Variants in NDST1 observed in about 807,000 individuals in gnomAD.
NDST1 encodes N-deacetylase and N-sulfotransferase 1, also known as bifunctional heparan sulfate N-deacetylase/N-sulfotransferase 1.
A neutral mutation model predicts 92.8 loss-of-function variants in NDST1; 35 were observed. That is an observed-to-expected ratio of 0.38 (90% CI 0.29 to 0.50). The LOEUF is 0.50. Among genes scored for constraint, NDST1 ranks in the 20% least tolerant of loss-of-function variants. The pLI is 0.94. For synonymous variants in NDST1, 493 were observed against 500.3 expected (o/e 0.99, Z 0.19); for missense variants, 822 against 1,182.7 (o/e 0.69, Z 4.47).
intron 1 of NDST1, among the ~76,000 whole-genome samples, chr5:150,499,473 G>A (rs189811465): frequency 1.3e-3 from 205 of 152,312 alleles, no homozygotes; most frequent in African/African-American, 4.7e-3. Flanking sequence ...GCTCTTCTAA[G>A]GCAGCGGGTG....
chr5:150,498,188 G>A (rs1487099890), exon 1 of NDST1: 1 of 152,496 alleles, frequency 6.6e-6, no homozygotes, highest in African/African-American at 2.4e-5. Flanking sequence ...TCTTGGAGAC[G>A]GGCTGTTGGC....
chr5:150,539,110 G>A lies in NDST1; in HGVS notation c.1438-118G>A, dbSNP rs561646177. On this transcript the variant is annotated intron_variant, in intron 6 of 14. Coordinates refer to ENST00000261797, the MANE Select transcript of NDST1 (RefSeq NM_001543.5). ...CTGCACCCAAGGGTAGGGGCTGTGCGACCACATGGAGACTGCCTTTCTGAG... is the reference window on the plus strand; with the variant it reads ...CTGCACCCAAGGGTAGGGGCTGTGCAACCACATGGAGACTGCCTTTCTGAG... The A allele has an allele frequency of 8.8e-5, 73 of 830,418 alleles. No homozygotes were observed. The Admixed American group carries it at 9.5e-4, about 11-fold the overall frequency. 51.4% of individuals were successfully genotyped at this position (830,418 alleles called of 1,614,324 possible).
intron 1 of NDST1, among the ~76,000 whole-genome samples, chr5:150,509,014 A>C (rs1753592865): frequency 6.6e-6 from 1 of 152,068 alleles, no homozygotes; most frequent in Non-Finnish European, 1.5e-5. Context: ...GCCTGACCTT[A>C]CAAGCTGGGG....
At chr5:150,551,354 T>C (rs1327366573) in intron 13 of NDST1, among the ~76,000 whole-genome samples, 3 of 152,174 alleles carry the variant, frequency 2.0e-5, no homozygotes, top group Middle Eastern at 6.8e-3. Flanking sequence ...AACACCCCTC[T>C]TCCCATTGAC....
At chr5:150,508,711 CA>C (rs929782661) in intron 1 of NDST1, among the ~76,000 whole-genome samples, 1 of 152,160 alleles carries the variant, frequency 6.6e-6, no homozygotes, top group Non-Finnish European at 1.5e-5. Context: ...CATGGCTTGT[CA>C]AAGCCAGAGG....
At chr5:150,532,590 C>G (rs1230858713) in intron 3 of NDST1, among the ~76,000 whole-genome samples, 1 of 152,094 alleles carries the variant, frequency 6.6e-6, no homozygotes, top group East Asian at 1.9e-4. Context: ...TCCAGTGGTG[C>G]GATCTCGGCT....
chr5:150,547,908 T>C (rs557092524), intron 11 of NDST1, among the ~76,000 whole-genome samples: 10 of 152,264 alleles, frequency 6.6e-5, no homozygotes, highest in African/African-American at 1.9e-4. Flanking sequence ...GGTCTCGAAC[T>C]CCTGACCTCA....
At chr5:150,530,381 C>T (rs1754669563) in intron 3 of NDST1, among the ~76,000 whole-genome samples, 2 of 152,070 alleles carry the variant, frequency 1.3e-5, no homozygotes, top group African/African-American at 4.8e-5. Context: ...AGGTGTTCTT[C>T]CAGTGGCCCA....
At chr5:150,537,372 T>G (rs1319877698) in intron 6 of NDST1, among the ~76,000 whole-genome samples, 1 of 152,232 alleles carries the variant, frequency 6.6e-6, no homozygotes, top group African/African-American at 2.4e-5. Flanking sequence ...GCTGAATTCT[T>G]TTTCTCAGCA....
chr5:150,549,852 A>C, intron 13 of NDST1, 65 bp downstream of exon 13: 2 of 938,430 alleles, frequency 2.1e-6, no homozygotes, highest in Middle Eastern at 4.2e-4. Flanking sequence ...CAACAAAGCC[A>C]AAGTCTTGAA....
chr5:150,518,206 G>C (rs1434928698), intron 1 of NDST1, among the ~76,000 whole-genome samples: 2 of 151,992 alleles, frequency 1.3e-5, no homozygotes, highest in African/African-American at 4.8e-5. Context: ...CTTCTGGTCA[G>C]CTTAGGTACC....
chr5:150,521,507 G>A lies in NDST1; in HGVS notation c.253G>A (p.Val85Met), dbSNP rs1045644220. ...AATPSRTDPL[V>M]LVFVESLYSQ... is the part of the protein sequence containing the mutation. ...CACCCCTTCCCGCACAGACCCGTTG[G>A]TGCTGGTCTTTGTGGAGAGCCTCTA... The change falls in exon 2 of 15, where the codon GTG becomes ATG. Residue 85 changes from valine to methionine, a missense_variant. Val to Met is a conservative substitution (Grantham distance 21). Transcript: ENST00000261797. This position sits in a 1 kb window ranked among gnomAD's most constrained non-coding sequence, Gnocchi z 5.9. 2.5e-6 allele frequency: 4 copies of A among 1,614,022 alleles called. No homozygotes were observed. The highest frequency in any genetic ancestry group is 3.3e-5 in the Admixed American group (2 of 60,018).
chr5:150,551,589 C>A (rs1303292734), intron 13 of NDST1, among the ~76,000 whole-genome samples, 164 bp from the exon 14 acceptor site: 3 of 152,194 alleles, frequency 2.0e-5, no homozygotes, highest in Non-Finnish European at 4.4e-5. Context: ...CAGCCTAGGA[C>A]ACATTTGATC....
chr5:150,553,441 T>G lies in NDST1; in HGVS notation c.*109T>G. 1 of 1,438,648 alleles carries G rather than the reference T, an allele frequency of 7.0e-7. No homozygotes were observed. Among genetic ancestry groups the G allele is most frequent in the Non-Finnish European group, 9.7e-7 (1 of 1,034,016 alleles). 89.1% of individuals were successfully genotyped at this position (1,438,648 alleles called of 1,614,324 possible). Reference sequence around the variant, plus strand: ...CTGGACCAGGGCAGCTGCGCACTTATGAGCAATACTCTGTGGAGGTCTGGT... The same window carrying G: ...CTGGACCAGGGCAGCTGCGCACTTAGGAGCAATACTCTGTGGAGGTCTGGT... On this transcript the variant is annotated 3_prime_UTR_variant, in exon 15 of 15. Transcript: ENST00000261797. The surrounding 1 kb of genome is among the most constrained non-coding windows in gnomAD (Gnocchi z 4.2).
At chr5:150,503,642 G>A (rs774273631), upstream of NDST1, among the ~76,000 whole-genome samples, 17 of 152,160 alleles carry the variant, frequency 1.1e-4, 1 homozygote, top group South Asian at 4.1e-4. Flanking sequence ...GCAGCTGTGA[G>A]TGTGGAGACT....
chr5:150,531,241 G>A (rs906669881), intron 3 of NDST1, among the ~76,000 whole-genome samples: 4 of 152,120 alleles, frequency 2.6e-5, no homozygotes, highest in Admixed American at 2.0e-4. Flanking sequence ...CTTTCTGGCC[G>A]TTGCTTCATT....
At position 150,521,803 on chromosome 5, in the gene NDST1, C is replaced by T. The variant is rs1159391154; in HGVS notation, c.513+36C>T. 6.2e-7 allele frequency: 1 copy of T among 1,608,894 alleles called. No homozygotes were observed. The highest frequency in any genetic ancestry group is 1.1e-5 in the South Asian group (1 of 90,890). Reference sequence around the variant, plus strand: ...AGCAGGGTCCCCGAGCAGTTCAGAGCCCCCTCTGCAGCTCAGTGCCTGAAT... The same window carrying T: ...AGCAGGGTCCCCGAGCAGTTCAGAGTCCCCTCTGCAGCTCAGTGCCTGAAT... On this transcript the variant is annotated intron_variant, in intron 2 of 14. Transcript: ENST00000261797. The surrounding 1 kb of genome is among the most constrained non-coding windows in gnomAD (Gnocchi z 5.9).
intron 10 of NDST1, among the ~76,000 whole-genome samples, chr5:150,543,995 G>T (rs1276826618): frequency 6.6e-6 from 1 of 152,200 alleles, no homozygotes; most frequent in Non-Finnish European, 1.5e-5. Context: ...GGTCAGGCTG[G>T]TCTTGAACTC....
chr5:150,539,664 A>G (rs1394567730), intron 7 of NDST1: 2 of 985,200 alleles, frequency 2.0e-6, no homozygotes, highest in South Asian at 4.7e-5. Flanking sequence ...ACACACATAT[A>G]TGAACAACAT....
Sources: allele counts gnomAD v4.1 joint callset (sites outside exome capture counted in the v4.1 genomes callset), GRCh38; gene constraint gnomAD v4.1.1; non-coding constraint Gnocchi (gnomAD v3.1); transcripts MANE v1.5; gene names NCBI Gene and HGNC (gene_info 2026-07-23, HGNC 2026-07-21).